Variants in USHBP1 observed in about 807,000 individuals in gnomAD.
The protein encoded by USHBP1 is harmonin-binding protein USHBP1.
A neutral mutation model predicts 76.2 loss-of-function variants in USHBP1; 67 were observed. The observed-to-expected ratio is 0.88, with a 90% CI of 0.72 to 1.08. USHBP1 has a LOEUF of 1.08. Ranked by LOEUF, USHBP1 falls within the 50% of genes least tolerant of loss-of-function variation. The probability of loss-of-function intolerance (pLI) is 0.00; values close to 1 mark genes in which losing one functional copy is unlikely to be tolerated. For synonymous variants in USHBP1, 322 were observed against 362.2 expected (o/e 0.89, Z 1.26); for missense variants, 931 against 915.0 (o/e 1.02, Z -0.23).
intron 3 of USHBP1, 78 bp downstream of exon 3, chr19:17,263,924 G>T: frequency 6.9e-7 from 1 of 1,439,192 alleles, no homozygotes; most frequent in South Asian, 1.5e-5. Context: ...TGTGAGCAGA[G>T]CAGGCACATC....
chr19:17,250,551 T>C, intron 12 of USHBP1, 137 bp from the exon 13 acceptor site: 2 of 991,024 alleles, frequency 2.0e-6, no homozygotes, highest in Non-Finnish European at 2.9e-6. Context: ...CTTTTGTTGT[T>C]GTTGTTGTTG....
intron 10 of USHBP1, among the ~76,000 whole-genome samples, chr19:17,255,000 G>C (rs191489885): frequency 6.6e-6 from 1 of 152,212 alleles, no homozygotes; most frequent in Non-Finnish European, 1.5e-5. Context: ...ATTAAGGACA[G>C]GTGCGGCGAC....
chr19:17,252,901 C>A (rs548862577), intron 10 of USHBP1, among the ~76,000 whole-genome samples: 56 of 151,724 alleles, frequency 3.7e-4, no homozygotes, highest in East Asian at 7.7e-4. Flanking sequence ...AAAAAAACAA[C>A]AAAAAAACAA....
At chr19:17,253,848 C>G (rs1231488683) in intron 10 of USHBP1, among the ~76,000 whole-genome samples, 1 of 147,212 alleles carries the variant, frequency 6.8e-6, no homozygotes, top group Non-Finnish European at 1.5e-5. Flanking sequence ...GAGCCAAGAT[C>G]GCACCACTGC....
chr19:17,263,658 C>G, intron 3 of USHBP1: 1 of 198,734 alleles, frequency 5.0e-6, no homozygotes, highest in East Asian at 1.2e-4. Context: ...GTTGGGGGAT[C>G]ACTTAAGGGC....
intron 11 of USHBP1, 98 bp downstream of exon 11, chr19:17,251,813 C>G (rs1006283045): frequency 4.5e-6 from 7 of 1,564,048 alleles, no homozygotes; most frequent in Non-Finnish European, 6.0e-6. Flanking sequence ...ACCTGTACAC[C>G]GGGGTACACC....
chr19:17,264,534 C>T (rs2073730066), intron 1 of USHBP1, 137 bp downstream of exon 1: 2 of 552,734 alleles, frequency 3.6e-6, no homozygotes. Flanking sequence ...TTGTCCTGAT[C>T]TCCCCCTTCT....
intron 10 of USHBP1, among the ~76,000 whole-genome samples, chr19:17,253,549 A>G (rs1343590075): frequency 2.8e-5 from 4 of 144,452 alleles, no homozygotes; most frequent in Non-Finnish European, 6.1e-5. Context: ...TCGGCCTCCC[A>G]AAGTGCTGGG....
In USHBP1 at chr19:17,256,527, G is replaced by A. The variant is rs754205216; in HGVS notation, c.1414C>T (p.Pro472Ser). The change falls in exon 9 of 13, where the codon CCA becomes TCA. Residue 472 changes from proline to serine, a missense_variant. Physicochemically the swap from Pro to Ser is moderately conservative, Grantham distance 74. Coordinates refer to ENST00000252597, the MANE Select transcript of USHBP1 (RefSeq NM_031941.4). The part of the protein sequence containing the change: ...VQAILGTQAG[P>S]ALPRLEKTQI... ...GTCTTCTCCAGTCGGGGAAGAGCTG[G>A]GCCAGCCTGGGTCCCCAGAATGGCC... The A allele has an allele frequency of 1.2e-6, 2 of 1,614,002 alleles. No individual in the cohort carries two copies. The highest frequency in any genetic ancestry group is 1.1e-5 in the South Asian group (1 of 91,074).
chr19:17,257,934 C>A (rs553699496), intron 8 of USHBP1, among the ~76,000 whole-genome samples: 12 of 152,314 alleles, frequency 7.9e-5, no homozygotes, highest in Admixed American at 3.3e-4. Context: ...CAGGCTTGAG[C>A]CACTGTGCCC....
In USHBP1 at chr19:17,251,632, G is replaced by A; in HGVS notation, c.1872C>T (p.Ala624=). The A allele has an allele frequency of 6.2e-7, 1 of 1,614,012 alleles. No homozygotes were observed. Among genetic ancestry groups the A allele is most frequent in the Non-Finnish European group, 8.5e-7 (1 of 1,179,996 alleles). ...ELEQVAQKGR[A]RRSQSAELNR... ...TCAGCTCGGCACTCTGAGACCGTCT[G>A]GCTCGCCCCTTCTGAGCCACCTGTT... The change falls in exon 12 of 13, where the codon GCC becomes GCT. Residue 624 remains alanine, a synonymous_variant. Coordinates refer to ENST00000252597, the MANE Select transcript of USHBP1 (RefSeq NM_031941.4).
chr19:17,251,458 C>G (rs1178079034), intron 12 of USHBP1, 124 bp downstream of exon 12: 8 of 1,365,962 alleles, frequency 5.9e-6, no homozygotes, highest in Admixed American at 1.8e-5. Flanking sequence ...GCCACCACAC[C>G]TGACCGTTAC....
rs562385055 is a variant in USHBP1, at chr19:17,254,572, C to T, written c.1692+813G>A. 3.3e-5 allele frequency among the ~76,000 whole-genome samples: 5 copies of T among 151,566 alleles called. 1 individual carries two copies. Among genetic ancestry groups the T allele is most frequent in the African/African-American group, 1.2e-4 (5 of 41,356 alleles). On this transcript the variant is annotated intron_variant, in intron 10 of 12. Transcript: ENST00000252597. The stretch of plus-strand genomic sequence containing the variant: ...TCAGGAGGCTGAGGCAGGAGAATCA[C>T]TTGAACCCAGGAGGTGGAGGTTGTG...
chr19:17,256,005 AAAAC>A (rs10570621), intron 9 of USHBP1, among the ~76,000 whole-genome samples: 100,215 of 150,642 alleles, frequency 0.67, 34,160 homozygotes, highest in East Asian at 0.82. Context: ...TCCGTCTCAA[AAAAC>A]AAACAAACAA....
At chr19:17,258,578 A>G (rs1466480739) in intron 7 of USHBP1, 193 bp from the exon 8 acceptor site, 1 of 551,570 alleles carries the variant, frequency 1.8e-6, no homozygotes, top group East Asian at 3.6e-5. Context: ...GTGTGGTGGT[A>G]CGCACCTGTA....
rs757934814 is a variant in USHBP1 at position 17,258,737 on chromosome 19, G to GA, written c.1047-353dup. On this transcript the variant is annotated intron_variant, in intron 7 of 12. Coordinates refer to ENST00000252597, the MANE Select transcript of USHBP1 (RefSeq NM_031941.4). The stretch of plus-strand genomic sequence containing the variant: ...AAAAAAAAAAAAAAGAAAGAAAAAA[G>GA]AAAAAAAAATCCACTTAGCTACATC... 3.6e-3 allele frequency: 1,073 copies of GA among 298,740 alleles called. 3 individuals carry two copies. Among genetic ancestry groups the GA allele is most frequent in the African/African-American group, 0.012 (532 of 42,652 alleles). The allele number at this position is 298,740 out of a possible 1,614,324, so 18.5% of individuals were successfully genotyped here. A position where few individuals can be genotyped will look rare whatever the true frequency, so the allele number is the denominator to read the frequency against.
At position 17,262,564 on chromosome 19, in the gene USHBP1, C is replaced by CCCACGA. The variant is rs1568328088; in HGVS notation, c.629_630insTCGTGG (p.Thr210_Leu211insArgGly). The CCCACGA allele has an allele frequency of 2.7e-5, 44 of 1,604,642 alleles. No individual in the cohort carries two copies. Among genetic ancestry groups the CCCACGA allele is most frequent in the Non-Finnish European group, 3.7e-5 (43 of 1,173,714 alleles). On this transcript the variant is annotated inframe_insertion, in exon 4 of 13. Coordinates refer to ENST00000252597, the MANE Select transcript of USHBP1 (RefSeq NM_031941.4). ...TGGCCCCACTCACCTCTTTCTGCAG[C>CCCACGA]GTCTCCTTCTCAGCTCGGATGGCCT...
chr19:17,254,454 G>A lies in USHBP1; in HGVS notation c.1692+931C>T, dbSNP rs146858146. On this transcript the variant is annotated intron_variant, in intron 10 of 12. Transcript: ENST00000252597. ...GCGCATCACCTGAGGTTCAGAGTTC[G>A]AGACCAGCCTTAGTAACATGGGGAA... Among the ~76,000 whole-genome samples the A allele has an allele frequency of 1.0e-3, 158 of 151,160 alleles. 1 individual carries two copies. The highest frequency in any genetic ancestry group is 3.8e-3 in the African/African-American group (155 of 41,204).
At chr19:17,252,142 C>T (rs938381760) in intron 10 of USHBP1, 125 bp from the exon 11 acceptor site, 8 of 820,942 alleles carry the variant, frequency 9.7e-6, no homozygotes, top group Admixed American at 4.9e-5. Context: ...ACATCTGGTT[C>T]GATATACCAA....
Sources: allele counts gnomAD v4.1 joint callset (sites outside exome capture counted in the v4.1 genomes callset), GRCh38; gene constraint gnomAD v4.1.1; transcripts MANE v1.5; gene names NCBI Gene and HGNC (gene_info 2026-07-23, HGNC 2026-07-21).